KCTD16: variants seen among roughly 807,000 people sequenced by gnomAD.
The protein encoded by KCTD16 is BTB/POZ domain-containing protein KCTD16.
KCTD16 carries 13 observed loss-of-function variants against 33.2 expected under a neutral mutation model. The ratio of observed to expected loss-of-function variants is 0.39; its 90% confidence interval spans 0.25 to 0.62. The LOEUF is 0.62. Ranked by LOEUF, KCTD16 falls within the 20% of genes least tolerant of loss-of-function variation. The probability of loss-of-function intolerance (pLI) is 0.50; values close to 1 mark genes in which losing one functional copy is unlikely to be tolerated. For missense variants in KCTD16, 441 were observed against 525.1 expected (o/e 0.84, Z 1.57); for synonymous variants, 197 against 195.3 (o/e 1.01, Z -0.07).
At chr5:144,448,448 GT>G (rs1753869460) in intron 3 of KCTD16, among the ~76,000 whole-genome samples, 1 of 152,032 alleles carries the variant, frequency 6.6e-6, no homozygotes, top group South Asian at 2.1e-4. Flanking sequence ...TCTTTGGAAA[GT>G]TTGTTGAGAA....
intron 3 of KCTD16, among the ~76,000 whole-genome samples, chr5:144,232,699 GAACCATGTATTT>G (rs780315482): frequency 3.3e-5 from 5 of 152,046 alleles, no homozygotes; most frequent in Non-Finnish European, 7.4e-5. Flanking sequence ...AACATAAAAT[GAACCATGTATTT>G]AATTTTGTTT....
chr5:144,417,778 T>G (rs980926334), intron 3 of KCTD16, among the ~76,000 whole-genome samples: 1 of 152,186 alleles, frequency 6.6e-6, no homozygotes, highest in Non-Finnish European at 1.5e-5. Flanking sequence ...GGGTCTATGT[T>G]GTAAAGTAGG....
intron 3 of KCTD16, among the ~76,000 whole-genome samples, chr5:144,218,218 A>G (rs1288260567): frequency 6.6e-6 from 1 of 152,246 alleles, no homozygotes; most frequent in Non-Finnish European, 1.5e-5. Flanking sequence ...AGATTAGAAT[A>G]GTAAATGGGA....
intron 3 of KCTD16, among the ~76,000 whole-genome samples, chr5:144,427,331 A>G (rs1311333695): frequency 6.6e-6 from 1 of 152,160 alleles, no homozygotes; most frequent in African/African-American, 2.4e-5. Flanking sequence ...ATCAAATTCA[A>G]TAGACATTCC....
intron 3 of KCTD16, among the ~76,000 whole-genome samples, chr5:144,243,067 G>C (rs541261089): frequency 1.4e-4 from 22 of 152,114 alleles, no homozygotes; most frequent in African/African-American, 5.1e-4. Context: ...ATTTCCTTAG[G>C]CTCCTTTGGC....
chr5:144,407,347 AG>A (rs1752831548), intron 3 of KCTD16, among the ~76,000 whole-genome samples: 1 of 151,754 alleles, frequency 6.6e-6, no homozygotes, highest in African/African-American at 2.4e-5. Flanking sequence ...ATAAAGTAAA[AG>A]TTTGGGGGTT....
chr5:144,280,857 G>A (rs1755583139), intron 3 of KCTD16, among the ~76,000 whole-genome samples: 1 of 150,986 alleles, frequency 6.6e-6, no homozygotes, highest in African/African-American at 2.4e-5. Flanking sequence ...AACCCGGCAG[G>A]CGGAGGTTAC....
chr5:144,278,488 T>C (rs1344565861), intron 3 of KCTD16, among the ~76,000 whole-genome samples: 1 of 134,804 alleles, frequency 7.4e-6, no homozygotes, highest in Non-Finnish European at 1.6e-5. Flanking sequence ...TAGTCTTCTT[T>C]TTTTTTTTTT....
intron 3 of KCTD16, among the ~76,000 whole-genome samples, chr5:144,360,469 T>C (rs1312888787): frequency 2.6e-5 from 4 of 151,966 alleles, no homozygotes; most frequent in Admixed American, 6.6e-5. Context: ...TCTCGCTCTG[T>C]TGCCCAGGCT....
intron 3 of KCTD16, among the ~76,000 whole-genome samples, chr5:144,454,163 C>A (rs1483017825): frequency 1.3e-5 from 2 of 152,082 alleles, no homozygotes; most frequent in African/African-American, 4.8e-5. Context: ...TAACTCAAAT[C>A]CTTGTGCTAT....
intron 3 of KCTD16, among the ~76,000 whole-genome samples, chr5:144,398,125 T>C (rs901708413): frequency 2.0e-5 from 3 of 152,172 alleles, no homozygotes; most frequent in African/African-American, 7.2e-5. Flanking sequence ...TAATGGACTA[T>C]ATGGTGAAGT....
At chr5:144,343,458 T>C (rs1488776471) in intron 3 of KCTD16, among the ~76,000 whole-genome samples, 1 of 152,208 alleles carries the variant, frequency 6.6e-6, no homozygotes, top group East Asian at 1.9e-4. Flanking sequence ...GTCTATTTGA[T>C]TCTTCTCTTT....
At position 144,482,089 on chromosome 5, in the gene KCTD16, AGGCTGCT is replaced by A. The variant is rs1321356123; in HGVS notation, c.*7980_*7986del. On this transcript the variant is annotated 3_prime_UTR_variant, in exon 4 of 4. Transcript: ENST00000512467. Reference sequence around the variant, plus strand: ...TTCCTCTGAGTTTATTAGACTCTAAAGGCTGCTGGCTTAACCATCTCTTTGTACAATC... The same window carrying A: ...TTCCTCTGAGTTTATTAGACTCTAAAGGCTTAACCATCTCTTTGTACAATC... The A allele has an allele frequency of 2.0e-5, 3 of 151,922 alleles. No individual in the cohort carries two copies. Among genetic ancestry groups the A allele is most frequent in the African/African-American group, 7.2e-5 (3 of 41,416 alleles). 9.4% of individuals were successfully genotyped at this position (151,922 alleles called of 1,614,324 possible). A position where few individuals can be genotyped will look rare whatever the true frequency, so the allele number is the denominator to read the frequency against.
chr5:144,299,131 T>TC (rs1751329260), intron 3 of KCTD16, among the ~76,000 whole-genome samples: 1 of 30,272 alleles, frequency 3.3e-5, no homozygotes, highest in Non-Finnish European at 5.1e-5. Context: ...TATATATATA[T>TC]ATATATATAT....
intron 3 of KCTD16, among the ~76,000 whole-genome samples, chr5:144,403,840 A>T (rs572829505): frequency 6.6e-6 from 1 of 152,186 alleles, no homozygotes; most frequent in Non-Finnish European, 1.5e-5. Flanking sequence ...GTAACAAAGC[A>T]TAAGCTATCA....
rs1332370152 is a variant in KCTD16, at chr5:144,483,789, C to T, written c.*9675C>T. 1 of 151,928 alleles carries T rather than the reference C, an allele frequency of 6.6e-6. No individual in the cohort carries two copies. Among genetic ancestry groups the T allele is most frequent in the Non-Finnish European group, 1.5e-5 (1 of 67,926 alleles). 9.4% of individuals were successfully genotyped at this position (151,928 alleles called of 1,614,324 possible). A position where few individuals can be genotyped will look rare whatever the true frequency, so the allele number is the denominator to read the frequency against. ...TTCAACTGATAGTCCTAGCACAGAT[C>T]CCTCCTCCCAGAGATCTGTCAGGTG... On this transcript the variant is annotated 3_prime_UTR_variant, in exon 4 of 4. Transcript: ENST00000512467.
intron 3 of KCTD16, among the ~76,000 whole-genome samples, chr5:144,413,563 A>T (rs2126955602): frequency 6.6e-6 from 1 of 152,352 alleles, no homozygotes; most frequent in South Asian, 2.1e-4. Flanking sequence ...GCTTTCAAGA[A>T]TATCAGCCCT....
At chr5:144,304,683 G>A (rs1751546002) in intron 3 of KCTD16, among the ~76,000 whole-genome samples, 1 of 152,156 alleles carries the variant, frequency 6.6e-6, no homozygotes, top group African/African-American at 2.4e-5. Context: ...CCGTCCAGTG[G>A]CAAAATGCTA....
chr5:144,231,741 G>A (rs1341638962), intron 3 of KCTD16, among the ~76,000 whole-genome samples: 3 of 151,936 alleles, frequency 2.0e-5, no homozygotes, highest in African/African-American at 4.8e-5. Flanking sequence ...CCTTTTGCTC[G>A]GCACTGCTCC....
Sources: gnomAD v4.1 joint callset for allele counts (sites outside exome capture counted in the v4.1 genomes callset) on GRCh38, gnomAD v4.1.1 for gene constraint, MANE v1.5 for transcripts, NCBI Gene and HGNC (gene_info 2026-07-23, HGNC 2026-07-21) for gene names.